NAALADL2: variants seen among roughly 807,000 people sequenced by gnomAD.
NAALADL2 encodes N-acetylated alpha-linked acidic dipeptidase like 2.
Under a neutral mutation model 87.2 loss-of-function variants are expected in NAALADL2, and 76 were observed. The observed-to-expected ratio is 0.87, with a 90% CI of 0.72 to 1.05. The LOEUF (loss-of-function observed/expected upper bound fraction) is 1.05. Among genes scored for constraint, NAALADL2 ranks in the 50% least tolerant of loss-of-function variants. The probability of loss-of-function intolerance (pLI) is 0.00; values close to 1 mark genes in which losing one functional copy is unlikely to be tolerated. For synonymous variants in NAALADL2, 354 were observed against 331.0 expected (o/e 1.07, Z -0.75); for missense variants, 1,089 against 945.8 (o/e 1.15, Z -1.99).
intron 12 of NAALADL2, among the ~76,000 whole-genome samples, chr3:175,742,243 G>A (rs891747850): frequency 6.6e-6 from 1 of 152,128 alleles, no homozygotes; most frequent in Non-Finnish European, 1.5e-5. Context: ...ATACTATATA[G>A]AAATAGAATG....
intron 11 of NAALADL2, among the ~76,000 whole-genome samples, chr3:175,734,005 T>A (rs1490760578): frequency 6.6e-6 from 1 of 152,150 alleles, no homozygotes; most frequent in Non-Finnish European, 1.5e-5. Context: ...TCCTGGCTGC[T>A]TTTACCGGCT....
At chr3:175,577,957 A>G (rs1719144699) in intron 10 of NAALADL2, among the ~76,000 whole-genome samples, 1 of 152,210 alleles carries the variant, frequency 6.6e-6, no homozygotes, top group Admixed American at 6.5e-5. Context: ...CAATTAGTAA[A>G]GCAGGTAAGG....
rs142908531 is a variant in NAALADL2, at chr3:174,951,031, C to T, written c.43+91581C>T. Among the ~76,000 whole-genome samples the T allele has an allele frequency of 1.4e-3, 208 of 151,984 alleles. 1 individual carries two copies. Among genetic ancestry groups the T allele is most frequent in the Non-Finnish European group, 2.4e-3 (166 of 67,900 alleles). On this transcript the variant is annotated intron_variant, in intron 1 of 13. Coordinates refer to ENST00000454872, the MANE Select transcript of NAALADL2 (RefSeq NM_207015.3). ...GTGCTGGTGTCATTAGCAAACATGC[C>T]AATCTGTATTTTTCACATTTCTATT...
Position 175,327,148 on chromosome 3 carries a change from C to CTTTTTTTTTTTTT in NAALADL2, c.1090+2834_1090+2846dup, listed in dbSNP as rs35198621. ...CCAGCTTTATCAACTGTCTACATTT[C>CTTTTTTTTTTTTT]TTTTTTTTTTTTTTTTTTTTTTTCT... On this transcript the variant is annotated intron_variant, in intron 5 of 13. Transcript: ENST00000454872. 2.7e-3 allele frequency among the ~76,000 whole-genome samples: 266 copies of CTTTTTTTTTTTTT among 99,492 alleles called. 11 individuals carry two copies. Among genetic ancestry groups the CTTTTTTTTTTTTT allele is most frequent in the East Asian group, 0.012 (32 of 2,660 alleles). The allele number at this position is 99,492 out of a possible 152,430, so 65.3% of individuals were successfully genotyped here.
At chr3:175,081,939 T>G (rs1717922634) in intron 1 of NAALADL2, among the ~76,000 whole-genome samples, 1 of 152,194 alleles carries the variant, frequency 6.6e-6, no homozygotes, top group African/African-American at 2.4e-5. Flanking sequence ...GAACACATAC[T>G]CTGTCTTAAG....
intron 12 of NAALADL2, among the ~76,000 whole-genome samples, chr3:175,741,892 A>G (rs1444790917): frequency 1.3e-5 from 2 of 152,176 alleles, no homozygotes; most frequent in Non-Finnish European, 2.9e-5. Flanking sequence ...CGCACCCATG[A>G]CATGGACTCA....
At chr3:175,592,307 C>CTTTTTTTTTTTTTTTTTTTTTTTT (rs758914649) in intron 10 of NAALADL2, among the ~76,000 whole-genome samples, 1 of 43,250 alleles carries the variant, frequency 2.3e-5, no homozygotes. Context: ...TTTTTCTTTT[C>CTTTTTTTTTTTTTTTTTTTTTTTT]TTTTTTTTTT....
chr3:175,045,073 T>A (rs1754512513), intron 1 of NAALADL2, among the ~76,000 whole-genome samples: 1 of 152,146 alleles, frequency 6.6e-6, no homozygotes, highest in South Asian at 2.1e-4. Flanking sequence ...TTTTCTAACA[T>A]AAAATTTTGC....
Position 175,579,653 on chromosome 3 carries a change from T to G in NAALADL2, c.1800+3466T>G, listed in dbSNP as rs149546768. Among the ~76,000 whole-genome samples the G allele has an allele frequency of 1.4e-3, 206 of 152,318 alleles. 2 individuals carry two copies. Among genetic ancestry groups the G allele is most frequent in the African/African-American group, 4.7e-3 (195 of 41,578 alleles). ...AGCTTCATTTAAATAAGGTTTTAGA[T>G]TTATTAACACCATTGCACCTGTTGT... On this transcript the variant is annotated intron_variant, in intron 10 of 13. Transcript: ENST00000454872.
intron 2 of NAALADL2, among the ~76,000 whole-genome samples, chr3:174,599,632 G>A (rs1423477140): frequency 6.6e-6 from 1 of 152,016 alleles, no homozygotes; most frequent in Non-Finnish European, 1.5e-5. Flanking sequence ...AAATATGTGG[G>A]GAAATATAAA....
chr3:174,608,858 C>A (rs978224124), intron 2 of NAALADL2, among the ~76,000 whole-genome samples: 3 of 151,532 alleles, frequency 2.0e-5, no homozygotes, highest in Admixed American at 2.0e-4. Flanking sequence ...GAGACACAAC[C>A]AAAAACCAGA....
At chr3:175,796,025 A>T (rs1753434780) in intron 13 of NAALADL2, among the ~76,000 whole-genome samples, 1 of 123,930 alleles carries the variant, frequency 8.1e-6, no homozygotes, top group Non-Finnish European at 1.5e-5. Context: ...CAGGCTAACT[A>T]ACCCCTTATT....
At chr3:175,075,758 CA>C (rs1716466985) in intron 1 of NAALADL2, among the ~76,000 whole-genome samples, 1 of 152,092 alleles carries the variant, frequency 6.6e-6, no homozygotes, top group Non-Finnish European at 1.5e-5. Context: ...CAAGTTAATG[CA>C]TGCACAAACA....
At chr3:175,618,626 C>A (rs1725694964) in intron 10 of NAALADL2, among the ~76,000 whole-genome samples, 1 of 152,132 alleles carries the variant, frequency 6.6e-6, no homozygotes, top group Non-Finnish European at 1.5e-5. Context: ...GGGAGAAAGG[C>A]ATCCCTTAGT....
chr3:175,755,872 C>T (rs1448677399), intron 13 of NAALADL2, among the ~76,000 whole-genome samples: 1 of 151,992 alleles, frequency 6.6e-6, no homozygotes, highest in Non-Finnish European at 1.5e-5. Context: ...GGATTTAGAT[C>T]GATGTTGAAA....
intron 1 of NAALADL2, among the ~76,000 whole-genome samples, chr3:174,941,574 CT>C (rs1307549531): frequency 6.6e-6 from 1 of 152,046 alleles, no homozygotes; most frequent in African/African-American, 2.4e-5. Flanking sequence ...CCTTGACAAT[CT>C]CTCTAATACT....
chr3:174,946,043 CAAAAAAA>C (rs57964168), intron 1 of NAALADL2, among the ~76,000 whole-genome samples: 13 of 50,258 alleles, frequency 2.6e-4, no homozygotes, highest in Non-Finnish European at 4.2e-4. Context: ...GACTCTGCCT[CAAAAAAA>C]AAAAAAAAAA....
At chr3:174,505,773 A>AT (rs1000859517) in intron 1 of NAALADL2, among the ~76,000 whole-genome samples, 3 of 152,206 alleles carry the variant, frequency 2.0e-5, no homozygotes, top group Non-Finnish European at 2.9e-5. Flanking sequence ...GCTACAGCTC[A>AT]TTTTTTAATT....
intron 12 of NAALADL2, among the ~76,000 whole-genome samples, chr3:175,744,554 C>A (rs571287160): frequency 1.3e-5 from 2 of 152,284 alleles, no homozygotes; most frequent in South Asian, 4.1e-4. Context: ...TTTACCATGT[C>A]CTGTGTGTGA....
Sources: gnomAD v4.1 joint callset for allele counts (sites outside exome capture counted in the v4.1 genomes callset) on GRCh38, gnomAD v4.1.1 for gene constraint, MANE v1.5 for transcripts, NCBI Gene and HGNC (gene_info 2026-07-23, HGNC 2026-07-21) for gene names.